GSE1: variants seen among roughly 807,000 people sequenced by gnomAD.
GSE1 encodes the protein Gse1 coiled-coil protein.
GSE1 carries 32 observed loss-of-function variants against 112.6 expected under a neutral mutation model. That is an observed-to-expected ratio of 0.28 (90% CI 0.21 to 0.38). The LOEUF (loss-of-function observed/expected upper bound fraction) is 0.38, where lower values mean the gene tolerates loss of function less well. GSE1 is among the 10% of genes least tolerant of loss of function. GSE1 has a pLI of 1.00. For synonymous variants in GSE1, 1,115 were observed against 735.6 expected (o/e 1.52, Z -8.35); for missense variants, 2,348 against 1,699.2 (o/e 1.38, Z -6.71).
intron 1 of GSE1, among the ~76,000 whole-genome samples, chr16:85,189,331 C>G (rs76279377): frequency 6.6e-6 from 1 of 152,174 alleles, no homozygotes; most frequent in Admixed American, 6.5e-5. Context: ...GTTTCTCCAA[C>G]TAGATAGAAA....
intron 1 of GSE1, among the ~76,000 whole-genome samples, chr16:85,570,204 G>A (rs1453014782): frequency 6.6e-6 from 1 of 152,226 alleles, no homozygotes; most frequent in African/African-American, 2.4e-5. Context: ...AGTTCTGGAT[G>A]GGCCTGGCCC....
intron 2 of GSE1, among the ~76,000 whole-genome samples, chr16:85,497,872 T>A (rs554624101): frequency 7.9e-5 from 12 of 152,268 alleles, no homozygotes; most frequent in Admixed American, 2.6e-4. Context: ...ACAGCCTCCC[T>A]GGGAGGGTGG....
At chr16:85,532,477 G>T (rs1006499368) in intron 2 of GSE1, among the ~76,000 whole-genome samples, 16 of 152,290 alleles carry the variant, frequency 1.1e-4, no homozygotes, top group African/African-American at 3.8e-4. Flanking sequence ...AGCCAGGCTG[G>T]CCTCAAACTC....
At chr16:85,264,224 G>C (rs1456528950) in intron 1 of GSE1, among the ~76,000 whole-genome samples, 2 of 152,108 alleles carry the variant, frequency 1.3e-5, no homozygotes, top group Non-Finnish European at 2.9e-5. Flanking sequence ...TGGGGTAGAG[G>C]GGCCCTTGAC....
At chr16:85,420,555 C>T (rs2048815253) in intron 2 of GSE1, among the ~76,000 whole-genome samples, 1 of 152,130 alleles carries the variant, frequency 6.6e-6, no homozygotes. Context: ...ACTCAGGGCC[C>T]ATGTGCCTCC....
intron 1 of GSE1, among the ~76,000 whole-genome samples, chr16:85,621,151 T>C (rs544402342): frequency 6.6e-6 from 1 of 152,054 alleles, no homozygotes; most frequent in South Asian, 2.1e-4. Context: ...GGAACCCGTT[T>C]AGATGGTCTC....
chr16:85,500,147 G>A (rs1206660778), intron 2 of GSE1, among the ~76,000 whole-genome samples: 1 of 152,230 alleles, frequency 6.6e-6, no homozygotes, highest in African/African-American at 2.4e-5. Context: ...TATTGCAAGA[G>A]CTAGAAAATA....
intron 1 of GSE1, among the ~76,000 whole-genome samples, chr16:85,254,490 G>T (rs886154187): frequency 3.9e-5 from 6 of 152,218 alleles, no homozygotes; most frequent in Non-Finnish European, 8.8e-5. Flanking sequence ...CCCACTCGGA[G>T]AGGTCCCCTG....
At chr16:85,218,803 C>T (rs2075344523) in intron 1 of GSE1, among the ~76,000 whole-genome samples, 1 of 152,234 alleles carries the variant, frequency 6.6e-6, no homozygotes, top group South Asian at 2.1e-4. Flanking sequence ...GCCAGGCACC[C>T]TTTGCATATT....
rs772805353 is a variant in GSE1, at chr16:85,668,141, G to C, written c.3132G>C (p.Gly1044=). The change falls in exon 14 of 16, where the codon GGG becomes GGC. Residue 1044 remains glycine, a splice_region_variant and synonymous_variant. Transcript: ENST00000253458. ...STQKALQKHK[G]SVAVLSAEQN... is the part of the protein sequence containing the mutation. ...ATGCAAGCCCTGTCCCCTCCACAGG[G>C]AGCGTGGCTGTGCTGTCTGCAGAGC... 8 of 1,571,906 alleles carry C rather than the reference G, an allele frequency of 5.1e-6. No homozygotes were observed. In the South Asian group the frequency reaches 8.3e-5, roughly 16 times the overall value.
intron 1 of GSE1, among the ~76,000 whole-genome samples, chr16:85,284,335 A>G (rs556436877): frequency 6.6e-6 from 1 of 152,302 alleles, no homozygotes; most frequent in East Asian, 1.9e-4. Flanking sequence ...AGGCCGAGGG[A>G]AAGAGAGAGA....
intron 14 of GSE1, among the ~76,000 whole-genome samples, chr16:85,669,715 G>A (rs1002662301): frequency 6.6e-6 from 1 of 152,158 alleles, no homozygotes; most frequent in South Asian, 2.1e-4. Flanking sequence ...CTATTCTTCT[G>A]TATTTTCTTC....
chr16:85,416,813 T>C (rs543283705), intron 2 of GSE1, among the ~76,000 whole-genome samples: 157 of 152,302 alleles, frequency 1.0e-3, no homozygotes, highest in Non-Finnish European at 1.8e-3. Context: ...TGTGGAGTTT[T>C]TTGTTGGTGG....
At chr16:85,310,331 G>A (rs1021464456) in intron 1 of GSE1, among the ~76,000 whole-genome samples, 2 of 152,210 alleles carry the variant, frequency 1.3e-5, no homozygotes, top group Non-Finnish European at 1.5e-5. Flanking sequence ...GAGGTTCAGC[G>A]CCTTAATATG....
chr16:85,449,219 C>T (rs2049600042), intron 2 of GSE1, among the ~76,000 whole-genome samples: 1 of 152,234 alleles, frequency 6.6e-6, no homozygotes, highest in Non-Finnish European at 1.5e-5. Flanking sequence ...CACCTAGTGG[C>T]AGTGTATTGG....
chr16:85,604,568 G>T (rs1279695301), intron 1 of GSE1, among the ~76,000 whole-genome samples: 1 of 149,770 alleles, frequency 6.7e-6, no homozygotes, highest in Non-Finnish European at 1.5e-5. Context: ...ATTGTACACA[G>T]AGACCACATT....
At chr16:85,285,510 C>G (rs142123505) in intron 1 of GSE1, 2 of 151,892 alleles carry the variant, frequency 1.3e-5, no homozygotes, top group Non-Finnish European at 2.9e-5. Flanking sequence ...GATGAAACCC[C>G]GTTTCTACTA....
At chr16:85,609,908 TG>T (rs2047890861), upstream of GSE1, among the ~76,000 whole-genome samples, 1 of 152,204 alleles carries the variant, frequency 6.6e-6, no homozygotes, top group Non-Finnish European at 1.5e-5. Context: ...ATGCCTATCT[TG>T]GCCCCCCCAA....
intron 13 of GSE1, among the ~76,000 whole-genome samples, chr16:85,666,819 C>T (rs1257710216): frequency 1.3e-5 from 2 of 152,268 alleles, no homozygotes; most frequent in African/African-American, 2.4e-5. Context: ...CACCAGCCCT[C>T]TGGATCCGTG....
Sources: allele counts gnomAD v4.1 joint callset (sites outside exome capture counted in the v4.1 genomes callset), GRCh38; gene constraint gnomAD v4.1.1; transcripts MANE v1.5; gene names NCBI Gene and HGNC (gene_info 2026-07-23, HGNC 2026-07-21).